Variants in LINGO2 observed in about 807,000 individuals in gnomAD.
LINGO2 encodes leucine-rich repeat and immunoglobulin-like domain-containing nogo receptor-interacting protein 2.
LINGO2 carries 14 observed loss-of-function variants against 30.6 expected under a neutral mutation model. The observed-to-expected ratio is 0.46, with a 90% CI of 0.30 to 0.72. LINGO2 has a LOEUF of 0.72. Ranked by LOEUF, LINGO2 falls within the 30% of genes least tolerant of loss-of-function variation. The probability of loss-of-function intolerance (pLI) is 0.07; values close to 1 mark genes in which losing one functional copy is unlikely to be tolerated. For synonymous variants in LINGO2, 317 were observed against 288.5 expected, an observed-to-expected ratio of 1.10 and a Z score of -1.00; for missense variants, 729 against 751.7, an observed-to-expected ratio of 0.97 and a Z score of 0.35.
the LINGO2 span, among the ~76,000 whole-genome samples, chr9:28,965,335 C>A: frequency 6.6e-6 from 1 of 151,938 alleles, no homozygotes; most frequent in Non-Finnish European, 1.5e-5. Flanking sequence ...TCTCTCTTGA[C>A]CCCTTCCTTT....
intron 1 of LINGO2, among the ~76,000 whole-genome samples, chr9:28,506,465 CACACACACACACACATACACAT>C (rs752351499): frequency 1.5e-3 from 69 of 46,558 alleles, no homozygotes; most frequent in Middle Eastern, 0.011. Flanking sequence ...CATACACATA[CACACACACACACACATACACAT>C]ACACACACAC....
Position 28,552,873 on chromosome 9 carries a change from A to T in LINGO2, c.-364-76848T>A, listed in dbSNP as rs1822380890. Reference sequence around the variant, plus strand: ...TGTATTTTTCCATTTACACTATCTTAGTTTCCAACATTAAAAAAAAAAAAA... The same window carrying T: ...TGTATTTTTCCATTTACACTATCTTTGTTTCCAACATTAAAAAAAAAAAAA... On this transcript the variant is annotated intron_variant, in intron 1 of 5. Coordinates refer to ENST00000379992, the Ensembl canonical transcript of LINGO2. 2.0e-5 allele frequency among the ~76,000 whole-genome samples: 3 copies of T among 147,428 alleles called. No individual in the cohort carries two copies. The Admixed American group carries it at 2.0e-4, about 10-fold the overall frequency.
chr9:29,189,835 C>T, the LINGO2 span, among the ~76,000 whole-genome samples: 3 of 151,904 alleles, frequency 2.0e-5, no homozygotes, highest in Non-Finnish European at 4.4e-5. Flanking sequence ...CACAGCGAAA[C>T]CCCGTCTCCA....
chr9:29,077,629 GAC>G, the LINGO2 span, among the ~76,000 whole-genome samples: 6 of 151,966 alleles, frequency 3.9e-5, no homozygotes, highest in South Asian at 1.2e-3. Flanking sequence ...TTTTAACAAA[GAC>G]ACAAAAATCA....
chr9:28,057,164 C>G (rs1194969130), intron 4 of LINGO2, among the ~76,000 whole-genome samples: 1 of 152,026 alleles, frequency 6.6e-6, no homozygotes, highest in African/African-American at 2.4e-5. Flanking sequence ...ATGTCTATGC[C>G]TGTTCTACTA....
chr9:28,768,489 TC>T, the LINGO2 span, among the ~76,000 whole-genome samples: 65 of 152,044 alleles, frequency 4.3e-4, 1 homozygote, highest in South Asian at 0.013. Flanking sequence ...GATGAATTAT[TC>T]CCCCCAAAAG....
intron 2 of LINGO2, among the ~76,000 whole-genome samples, chr9:28,429,692 C>T (rs1366677146): frequency 6.6e-6 from 1 of 152,158 alleles, no homozygotes; most frequent in Non-Finnish European, 1.5e-5. Context: ...ATACACTAAA[C>T]TAATTACCAT....
chr9:29,157,764 C>T, the LINGO2 span, among the ~76,000 whole-genome samples: 155 of 152,002 alleles, frequency 1.0e-3, no homozygotes, highest in Non-Finnish European at 1.4e-3. Flanking sequence ...ACAATAATTC[C>T]CTCCATTTTC....
Position 27,966,588 on chromosome 9 carries a change from G to T in LINGO2, c.-35-15882C>A, listed in dbSNP as rs556073835. ...CCTGTCAGGGGTTGTGAGGAAGCGG[G>T]AAGGAGAGCATTAGGACAAATACCT... On this transcript the variant is annotated intron_variant, in intron 5 of 5. Coordinates refer to ENST00000379992, the Ensembl canonical transcript of LINGO2. 1.1e-3 allele frequency among the ~76,000 whole-genome samples: 161 copies of T among 152,192 alleles called. 1 individual carries two copies. Among genetic ancestry groups the T allele is most frequent in the African/African-American group, 3.7e-3 (154 of 41,532 alleles).
At chr9:28,812,999 T>C in the LINGO2 span, among the ~76,000 whole-genome samples, 3 of 149,842 alleles carry the variant, frequency 2.0e-5, no homozygotes, top group African/African-American at 7.4e-5. Context: ...TATACCAATA[T>C]AAAGTAGTAT....
At chr9:28,453,769 C>T (rs1222562147) in intron 2 of LINGO2, among the ~76,000 whole-genome samples, 1 of 151,564 alleles carries the variant, frequency 6.6e-6, no homozygotes, top group East Asian at 1.9e-4. Flanking sequence ...TCCTCCTTGG[C>T]AACCACCTTC....
intron 4 of LINGO2, among the ~76,000 whole-genome samples, chr9:28,248,246 A>G (rs1318293731): frequency 6.6e-6 from 1 of 152,172 alleles, no homozygotes; most frequent in Non-Finnish European, 1.5e-5. Flanking sequence ...GAAATGTGGT[A>G]CCTCTGCACA....
intron 4 of LINGO2, among the ~76,000 whole-genome samples, chr9:28,018,189 CCAT>C (rs1349590430): frequency 6.6e-6 from 1 of 152,108 alleles, no homozygotes; most frequent in Non-Finnish European, 1.5e-5. Flanking sequence ...CTTCCTTACA[CCAT>C]ATCCCAAAAC....
intron 2 of LINGO2, among the ~76,000 whole-genome samples, chr9:28,442,727 T>A (rs148105727): frequency 1.3e-5 from 2 of 152,288 alleles, no homozygotes; most frequent in Non-Finnish European, 2.9e-5. Context: ...CTCATTTACA[T>A]CTTCTCTTAC....
At chr9:27,992,509 A>C (rs942946565) in intron 5 of LINGO2, among the ~76,000 whole-genome samples, 2 of 152,122 alleles carry the variant, frequency 1.3e-5, no homozygotes, top group African/African-American at 4.8e-5. Context: ...AAGCCAAAAA[A>C]AATTAAAATA....
chr9:28,473,919 C>T (rs1173773000), intron 2 of LINGO2, among the ~76,000 whole-genome samples: 2 of 152,054 alleles, frequency 1.3e-5, no homozygotes, highest in Non-Finnish European at 2.9e-5. Flanking sequence ...TTATTTCTGA[C>T]ATCTTAAACT....
intron 4 of LINGO2, among the ~76,000 whole-genome samples, chr9:28,215,876 C>CA (rs915842875): frequency 4.6e-5 from 7 of 151,558 alleles, no homozygotes; most frequent in Admixed American, 3.3e-4. Context: ...ATACCTGCAG[C>CA]AAAAAAAGGC....
the LINGO2 span, among the ~76,000 whole-genome samples, chr9:29,130,314 G>A: frequency 6.6e-6 from 1 of 152,016 alleles, no homozygotes; most frequent in Non-Finnish European, 1.5e-5. Flanking sequence ...CCTGGTTTAG[G>A]TTACCCCCAA....
At position 28,420,099 on chromosome 9, in the gene LINGO2, G is replaced by T. The variant is rs1823130441; in HGVS notation, c.-278-47231C>A. 2.0e-5 allele frequency among the ~76,000 whole-genome samples: 3 copies of T among 152,028 alleles called. No individual in the cohort carries two copies. In the South Asian group the frequency reaches 6.2e-4, roughly 32 times the overall value. ...TCATCTTTTTGTATAGTTTCTTAGA[G>T]TCCTAGTATTACAAGTTTGTGACTT... On this transcript the variant is annotated intron_variant, in intron 2 of 5. Coordinates refer to ENST00000379992, the Ensembl canonical transcript of LINGO2.
Sources: gnomAD v4.1 joint callset for allele counts (sites outside exome capture counted in the v4.1 genomes callset) on GRCh38, gnomAD v4.1.1 for gene constraint, MANE v1.5 for transcripts, NCBI Gene and HGNC (gene_info 2026-07-23, HGNC 2026-07-21) for gene names.